Variants in TMEM131 observed in about 807,000 individuals in gnomAD.
The protein encoded by TMEM131 is transmembrane protein 131, also known as 2610524E03Rik.
TMEM131 carries 66 observed loss-of-function variants against 211.6 expected under a neutral mutation model. The observed-to-expected ratio is 0.31, with a 90% CI of 0.26 to 0.38. TMEM131 has a LOEUF of 0.38. Among genes scored for constraint, TMEM131 ranks in the 10% least tolerant of loss-of-function variants. The pLI is 1.00. For missense variants in TMEM131, 2,036 were observed against 2,299.3 expected, an observed-to-expected ratio of 0.89 and a Z score of 2.34; for synonymous variants, 844 against 841.3, an observed-to-expected ratio of 1.00 and a Z score of -0.06.
intron 6 of TMEM131, among the ~76,000 whole-genome samples, chr2:97,843,682 T>C (rs890591359): frequency 1.3e-5 from 2 of 152,180 alleles, no homozygotes; most frequent in Admixed American, 6.5e-5. Flanking sequence ...AACAGAATAA[T>C]GGCTGATATA....
chr2:97,973,225 G>A (rs1679385576), intron 1 of TMEM131, among the ~76,000 whole-genome samples: 1 of 152,172 alleles, frequency 6.6e-6, no homozygotes, highest in Non-Finnish European at 1.5e-5. Flanking sequence ...TTACACTGTA[G>A]AATAATAACT....
chr2:97,916,568 C>A lies in TMEM131; in HGVS notation c.250-7870G>T, dbSNP rs569598668. On this transcript the variant is annotated intron_variant, in intron 2 of 40. Coordinates refer to ENST00000186436, the MANE Select transcript of TMEM131 (RefSeq NM_015348.2). ...TGACATGAAGTGGCTGTTTTGAGTA[C>A]AAAATTAGTTGTAATATTGTAAAAC... Among the ~76,000 whole-genome samples, 8 of 152,158 alleles carry A rather than the reference C, an allele frequency of 5.3e-5. No homozygotes were observed. In the South Asian group the frequency reaches 1.7e-3, roughly 32 times the overall value.
At chr2:97,973,115 C>G (rs1205358688) in intron 1 of TMEM131, among the ~76,000 whole-genome samples, 1 of 152,104 alleles carries the variant, frequency 6.6e-6, no homozygotes, top group Non-Finnish European at 1.5e-5. Flanking sequence ...GTTACAGTAA[C>G]AGCAAAGGGA....
intron 1 of TMEM131, among the ~76,000 whole-genome samples, chr2:97,974,597 CAA>C (rs2104615563): frequency 6.9e-6 from 1 of 145,714 alleles, no homozygotes; most frequent in South Asian, 2.2e-4. Flanking sequence ...TTAAAAGTAT[CAA>C]GAGAAAAAAA....
At chr2:97,826,097 G>A (rs1473903132) in intron 11 of TMEM131, among the ~76,000 whole-genome samples, 1 of 152,184 alleles carries the variant, frequency 6.6e-6, no homozygotes, top group Non-Finnish European at 1.5e-5. Flanking sequence ...TCTCTTAGAA[G>A]TCCCCTTAGC....
At chr2:97,923,623 TTTTTTAAAAA>T (rs58314798) in intron 2 of TMEM131, among the ~76,000 whole-genome samples, 2,085 of 67,306 alleles carry the variant, frequency 0.031, 59 homozygotes, top group African/African-American at 0.1. Flanking sequence ...CACTGTCTTT[TTTTTTAAAAA>T]AAAAAAAAAA....
chr2:97,836,637 T>C (rs752052861), intron 8 of TMEM131, among the ~76,000 whole-genome samples: 23 of 152,226 alleles, frequency 1.5e-4, no homozygotes, highest in Non-Finnish European at 3.1e-4. Flanking sequence ...AGGTTCTCTC[T>C]GCAAATGCCA....
intron 3 of TMEM131, among the ~76,000 whole-genome samples, chr2:97,893,913 T>C (rs1675491679): frequency 6.6e-6 from 1 of 152,226 alleles, no homozygotes; most frequent in African/African-American, 2.4e-5. Flanking sequence ...TGGCTTTTGC[T>C]GCCATTGCTT....
intron 3 of TMEM131, among the ~76,000 whole-genome samples, chr2:97,900,289 C>T (rs183340556): frequency 6.6e-6 from 1 of 152,064 alleles, no homozygotes; most frequent in African/African-American, 2.4e-5. Flanking sequence ...GCTGAACTTA[C>T]ACCTTCTAAC....
intron 4 of TMEM131, among the ~76,000 whole-genome samples, chr2:97,861,828 C>A (rs1232032195): frequency 6.6e-6 from 1 of 152,174 alleles, no homozygotes; most frequent in East Asian, 1.9e-4. Flanking sequence ...AGGACACAAA[C>A]CTGGCTGGCT....
Position 97,802,782 on chromosome 2 carries a change from G to A in TMEM131, c.2411C>T (p.Ala804Val). The A allele has an allele frequency of 6.4e-7, 1 of 1,550,518 alleles. No individual in the cohort carries two copies. The highest frequency in any genetic ancestry group is 8.7e-7 in the Non-Finnish European group (1 of 1,152,922). Residue 804 changes from alanine (A) to valine (V), a missense_variant, in exon 23 of 41, where the codon GCT becomes GTT. This residue lies in a region of TMEM131 where 1,623 missense variants were observed against 1,805.9 expected (regional missense o/e 0.90). Coordinates refer to ENST00000186436, the MANE Select transcript of TMEM131 (RefSeq NM_015348.2). ...IKENSGHRLSAIFEVNTDLQK... is the reference protein window; with the variant it reads ...IKENSGHRLSVIFEVNTDLQK... ...AAGGTCTGTATTTACTTCAAATATAGCACTCAATCTAGAAAAACAATTTGT... is the reference window on the plus strand; with the variant it reads ...AAGGTCTGTATTTACTTCAAATATAACACTCAATCTAGAAAAACAATTTGT...
At chr2:97,812,866 TG>T (rs1681617914) in intron 15 of TMEM131, 117 bp from the exon 16 acceptor site, 1 of 571,418 alleles carries the variant, frequency 1.8e-6, no homozygotes, top group African/African-American at 1.9e-5. Flanking sequence ...TAGCTGGGCA[TG>T]GTGGTGTGCA....
chr2:97,764,755 G>C (rs1679071030), intron 35 of TMEM131: 1 of 152,368 alleles, frequency 6.6e-6, no homozygotes, highest in Admixed American at 6.5e-5. Context: ...GTCTGGGGTT[G>C]GGTCCTGTCA....
At chr2:97,809,377 C>T (rs1681449153) in intron 19 of TMEM131, among the ~76,000 whole-genome samples, 1 of 152,198 alleles carries the variant, frequency 6.6e-6, no homozygotes, top group Non-Finnish European at 1.5e-5. Context: ...AAATTCTAAG[C>T]TGGCTCCCAT....
At chr2:97,846,628 G>A (rs1683446952) in intron 5 of TMEM131, among the ~76,000 whole-genome samples, 1 of 152,044 alleles carries the variant, frequency 6.6e-6, no homozygotes, top group Non-Finnish European at 1.5e-5. Flanking sequence ...CTTGAATTGG[G>A]CCCAACACAA....
chr2:97,841,698 C>A, intron 7 of TMEM131, 117 bp downstream of exon 7: 1 of 1,178,198 alleles, frequency 8.5e-7, no homozygotes. Flanking sequence ...CCTCTCAATA[C>A]ACTATAAAAC....
intron 1 of TMEM131, among the ~76,000 whole-genome samples, chr2:97,968,675 T>A (rs1475625132): frequency 6.6e-6 from 1 of 152,194 alleles, no homozygotes; most frequent in Non-Finnish European, 1.5e-5. Context: ...CACTCATCTG[T>A]GCGTAGTGAA....
At chr2:97,895,083 G>A (rs1457836325) in intron 3 of TMEM131, among the ~76,000 whole-genome samples, 1 of 152,112 alleles carries the variant, frequency 6.6e-6, no homozygotes, top group African/African-American at 2.4e-5. Context: ...AGCATGAAGG[G>A]GTGTTGAATT....
intron 4 of TMEM131, among the ~76,000 whole-genome samples, chr2:97,870,032 A>G (rs1372908190): frequency 1.3e-5 from 2 of 152,208 alleles, no homozygotes; most frequent in Non-Finnish European, 2.9e-5. Flanking sequence ...CATTTTCAAA[A>G]GCAGCACGAA....
Sources: allele counts gnomAD v4.1 joint callset (sites outside exome capture counted in the v4.1 genomes callset), GRCh38; gene constraint gnomAD v4.1.1; regional missense constraint gnomAD v4.1.1; transcripts MANE v1.5; gene names NCBI Gene and HGNC (gene_info 2026-07-23, HGNC 2026-07-21).